SLC24A2: variants seen among roughly 807,000 people sequenced by gnomAD.
SLC24A2 encodes the protein solute carrier family 24 member 2.
In SLC24A2, 36 loss-of-function variants were observed where a neutral mutation model predicts 62.0. The ratio of observed to expected loss-of-function variants is 0.58; its 90% CI spans 0.44 to 0.77. SLC24A2 has a LOEUF of 0.77. SLC24A2 is among the 30% of genes least tolerant of loss of function. The pLI is 0.00. For synonymous variants in SLC24A2, 358 were observed against 294.0 expected, an observed-to-expected ratio of 1.22 and a Z score of -2.23; for missense variants, 846 against 817.9, an observed-to-expected ratio of 1.03 and a Z score of -0.42.
At chr9:20,092,240 A>C in the SLC24A2 span, among the ~76,000 whole-genome samples, 6 of 152,340 alleles carry the variant, frequency 3.9e-5, no homozygotes, top group African/African-American at 1.4e-4. Flanking sequence ...AACCTAAAAT[A>C]AAAGTTTAAA....
At chr9:19,804,061 C>T in the SLC24A2 span, among the ~76,000 whole-genome samples, 1 of 152,090 alleles carries the variant, frequency 6.6e-6, no homozygotes, top group African/African-American at 2.4e-5. Flanking sequence ...AAGCGTGAGT[C>T]CTCTAACATC....
chr9:19,854,880 G>C, the SLC24A2 span, among the ~76,000 whole-genome samples: 1 of 152,144 alleles, frequency 6.6e-6, no homozygotes, highest in Non-Finnish European at 1.5e-5. Flanking sequence ...GTCTAATATT[G>C]ACAGTGGGGT....
intron 2 of SLC24A2, among the ~76,000 whole-genome samples, chr9:19,758,139 A>C (rs1822203003): frequency 6.6e-6 from 1 of 152,200 alleles, no homozygotes; most frequent in South Asian, 2.1e-4. Flanking sequence ...ACCAACAGAG[A>C]AAGTGAAGAG....
intron 2 of SLC24A2, among the ~76,000 whole-genome samples, chr9:19,623,702 T>C (rs909111198): frequency 6.6e-6 from 1 of 152,204 alleles, no homozygotes; most frequent in African/African-American, 2.4e-5. Context: ...ATGTTAAATA[T>C]TTTGTGGACA....
the SLC24A2 span, among the ~76,000 whole-genome samples, chr9:20,115,362 A>G: frequency 6.6e-6 from 1 of 152,078 alleles, no homozygotes; most frequent in African/African-American, 2.4e-5. Flanking sequence ...TTTCTTTTGG[A>G]AGAACTACCC....
At chr9:20,157,027 G>A in the SLC24A2 span, among the ~76,000 whole-genome samples, 2 of 151,546 alleles carry the variant, frequency 1.3e-5, no homozygotes, top group African/African-American at 4.8e-5. Flanking sequence ...TTGAGCCAAA[G>A]CAATAAGACA....
chr9:19,952,395 G>C, the SLC24A2 span, among the ~76,000 whole-genome samples: 3 of 151,960 alleles, frequency 2.0e-5, no homozygotes, highest in African/African-American at 7.2e-5. Flanking sequence ...TAGATATAAA[G>C]CATCGAGGCA....
chr9:19,797,485 C>G, the SLC24A2 span, among the ~76,000 whole-genome samples: 1 of 152,182 alleles, frequency 6.6e-6, no homozygotes, highest in African/African-American at 2.4e-5. Context: ...AAAGCTCTTG[C>G]TTGGATGCGA....
chr9:19,861,905 AG>A, the SLC24A2 span, among the ~76,000 whole-genome samples: 2 of 152,158 alleles, frequency 1.3e-5, no homozygotes, highest in Non-Finnish European at 2.9e-5. Flanking sequence ...AGGAAACAAA[AG>A]AAAAAAAGAA....
rs563904101 is a variant in SLC24A2, at chr9:19,515,875, C to G, written c.*278G>C. On this transcript the variant is annotated 3_prime_UTR_variant, in exon 11 of 11. Coordinates refer to ENST00000341998, the MANE Select transcript of SLC24A2 (RefSeq NM_020344.4). ...TCCTTGTTTGCATCGACTGTACCTC[C>G]GACCAGCGAGGTGTACTTGTCAGTG... 23 of 444,518 alleles carry G rather than the reference C, an allele frequency of 5.2e-5. 1 individual carries two copies. The highest frequency in any genetic ancestry group is 4.0e-4 in the African/African-American group (20 of 49,988). 27.5% of individuals were successfully genotyped at this position (444,518 alleles called of 1,614,324 possible).
At chr9:20,153,543 A>G in the SLC24A2 span, among the ~76,000 whole-genome samples, 294 of 152,044 alleles carry the variant, frequency 1.9e-3, 2 homozygotes, top group African/African-American at 6.9e-3. Context: ...ATATGACTTC[A>G]TAATTACAGT....
chr9:19,974,983 C>T, the SLC24A2 span, among the ~76,000 whole-genome samples: 1 of 152,108 alleles, frequency 6.6e-6, no homozygotes, highest in Non-Finnish European at 1.5e-5. Flanking sequence ...TCCTTTTTAT[C>T]AGGTAGGAAA....
chr9:19,566,247 A>G (rs1171771704), intron 7 of SLC24A2, among the ~76,000 whole-genome samples: 8 of 149,714 alleles, frequency 5.3e-5, no homozygotes, highest in Admixed American at 6.6e-5. Flanking sequence ...AGAATCTACA[A>G]TGAACTCAAA....
At chr9:19,836,290 C>T in the SLC24A2 span, among the ~76,000 whole-genome samples, 1 of 152,042 alleles carries the variant, frequency 6.6e-6, no homozygotes, top group Non-Finnish European at 1.5e-5. Flanking sequence ...AATCCAGGAG[C>T]TGGTTTTTTG....
chr9:19,971,919 G>T, the SLC24A2 span, among the ~76,000 whole-genome samples: 1 of 152,152 alleles, frequency 6.6e-6, no homozygotes, highest in Middle Eastern at 3.4e-3. Flanking sequence ...TATACTTCAG[G>T]AAACTGAAAC....
At chr9:19,716,204 G>A (rs770608876) in intron 2 of SLC24A2, among the ~76,000 whole-genome samples, 11 of 151,516 alleles carry the variant, frequency 7.3e-5, no homozygotes, top group Non-Finnish European at 1.5e-4. Context: ...AATCCATATC[G>A]CAAGATACCA....
the SLC24A2 span, among the ~76,000 whole-genome samples, chr9:20,176,449 G>C: frequency 1.3e-5 from 2 of 152,044 alleles, no homozygotes; most frequent in African/African-American, 4.8e-5. Flanking sequence ...AAAAAGAGAA[G>C]TCAATAAAGG....
At chr9:19,608,419 C>T (rs1370812790) in intron 4 of SLC24A2, among the ~76,000 whole-genome samples, 1 of 151,892 alleles carries the variant, frequency 6.6e-6, no homozygotes. Flanking sequence ...TTAGTGTCAG[C>T]TTCAAGTTAA....
intron 2 of SLC24A2, among the ~76,000 whole-genome samples, chr9:19,690,967 T>C (rs1820030000): frequency 6.6e-6 from 1 of 151,900 alleles, no homozygotes; most frequent in Admixed American, 6.6e-5. Context: ...GAATGTGTAT[T>C]GGCAAAAGAA....
Sources: allele counts gnomAD v4.1 joint callset (sites outside exome capture counted in the v4.1 genomes callset), GRCh38; gene constraint gnomAD v4.1.1; transcripts MANE v1.5; gene names NCBI Gene and HGNC (gene_info 2026-07-23, HGNC 2026-07-21).